Variants in RCOR1 observed in about 807,000 individuals in gnomAD.
RCOR1 encodes REST corepressor.
Under a neutral mutation model 64.0 loss-of-function variants are expected in RCOR1, and 12 were observed. That is an observed-to-expected ratio of 0.19 (90% CI 0.12 to 0.30). The LOEUF (loss-of-function observed/expected upper bound fraction) is 0.30, where lower values mean the gene tolerates loss of function less well. Ranked by LOEUF, RCOR1 falls within the 10% of genes least tolerant of loss-of-function variation. The probability of loss-of-function intolerance (pLI) is 1.00; values close to 1 mark genes in which losing one functional copy is unlikely to be tolerated. For synonymous variants in RCOR1, 279 were observed against 227.2 expected, an observed-to-expected ratio of 1.23 and a Z score of -2.05; for missense variants, 502 against 621.2, an observed-to-expected ratio of 0.81 and a Z score of 2.04.
At position 102,721,388 on chromosome 14, in the gene RCOR1, G is replaced by A. The variant is rs1896165367; in HGVS notation, c.1189+11G>A. The A allele has an allele frequency of 6.2e-6, 10 of 1,610,686 alleles. No homozygotes were observed. The East Asian group carries it at 1.8e-4, about 29-fold the overall frequency. On this transcript the variant is annotated intron_variant, in intron 10 of 11. Coordinates refer to ENST00000262241, the MANE Select transcript of RCOR1 (RefSeq NM_015156.4). ...TTCTCGCCGTACAAGGTAGGGGGAAGTTCTTCTAAAGAGTTTAGGAGGCCG... is the reference window on the plus strand; with the variant it reads ...TTCTCGCCGTACAAGGTAGGGGGAAATTCTTCTAAAGAGTTTAGGAGGCCG...
intron 2 of RCOR1, among the ~76,000 whole-genome samples, chr14:102,625,494 C>CA (rs1368968249): frequency 6.6e-6 from 1 of 151,580 alleles, no homozygotes; most frequent in Non-Finnish European, 1.5e-5. Context: ...TTCGGCCTCC[C>CA]AAAGTGCTGG....
intron 2 of RCOR1, among the ~76,000 whole-genome samples, chr14:102,659,476 CAT>C (rs778703306): frequency 1.4e-4 from 21 of 152,170 alleles, no homozygotes; most frequent in Non-Finnish European, 2.1e-4. Context: ...TTCTGGCACA[CAT>C]GTGTCAAACA....
At position 102,708,521 on chromosome 14, in the gene RCOR1, G is replaced by A. The variant is rs146034322; in HGVS notation, c.717G>A (p.Thr239=). The part of the protein sequence containing the change: ...LVKFYYSWKK[T]RTKTSVMDRH... ...AATTTTACTATTCTTGGAAGAAGAC[G>A]AGGACTAAAACTAGTGTGATGGATC... The change falls in exon 6 of 12, where the codon ACG becomes ACA. Residue 239 remains threonine (T), a synonymous_variant. Transcript: ENST00000262241. The A allele has an allele frequency of 5.6e-5, 91 of 1,612,628 alleles. 1 individual carries two copies. In the African/African-American group the frequency reaches 9.2e-4, roughly 16 times the overall value.
At chr14:102,686,132 G>T (rs2139965043) in intron 3 of RCOR1, among the ~76,000 whole-genome samples, 1 of 151,962 alleles carries the variant, frequency 6.6e-6, no homozygotes, top group South Asian at 2.1e-4. Flanking sequence ...GAGGATCTTG[G>T]CTCTGTTGTC....
At chr14:102,621,367 C>CTTTTTTTTT (rs35481023) in intron 2 of RCOR1, among the ~76,000 whole-genome samples, 7 of 78,514 alleles carry the variant, frequency 8.9e-5, no homozygotes, top group African/African-American at 3.1e-4. Context: ...CAGTCTTTGT[C>CTTTTTTTTT]TTTTTTTTTT....
intron 2 of RCOR1, among the ~76,000 whole-genome samples, chr14:102,603,554 T>C (rs186890526): frequency 6.6e-6 from 1 of 151,920 alleles, no homozygotes; most frequent in East Asian, 1.9e-4. Context: ...GGCCCAGGGG[T>C]GTCTGTAAAT....
chr14:102,710,264 A>G (rs1895931923), intron 6 of RCOR1, among the ~76,000 whole-genome samples: 1 of 152,140 alleles, frequency 6.6e-6, no homozygotes, highest in African/African-American at 2.4e-5. Context: ...CTGTAGACTT[A>G]GTTTTCTTTT....
intron 2 of RCOR1, among the ~76,000 whole-genome samples, chr14:102,636,461 A>G (rs2139916223): frequency 6.6e-6 from 1 of 151,424 alleles, no homozygotes; most frequent in East Asian, 2.0e-4. Flanking sequence ...GTATTTGTTT[A>G]CTAGAGATAG....
chr14:102,709,503 A>G (rs1849098705), intron 6 of RCOR1, among the ~76,000 whole-genome samples: 1 of 152,224 alleles, frequency 6.6e-6, no homozygotes, highest in Non-Finnish European at 1.5e-5. Context: ...TCAGGATGGA[A>G]TTTTATCATT....
intron 2 of RCOR1, among the ~76,000 whole-genome samples, chr14:102,665,330 TA>T (rs199801982): frequency 0.014 from 2,029 of 142,070 alleles, 46 homozygotes; most frequent in African/African-American, 0.051. Flanking sequence ...TTTTTTTTTT[TA>T]AATAAAATAG....
intron 2 of RCOR1, among the ~76,000 whole-genome samples, chr14:102,615,901 C>A (rs1423971741): frequency 6.6e-6 from 1 of 152,220 alleles, no homozygotes; most frequent in Non-Finnish European, 1.5e-5. Flanking sequence ...TTCTCCCCAA[C>A]AGGAGGTAGG....
At chr14:102,705,334 T>C (rs1895829396) in intron 4 of RCOR1, among the ~76,000 whole-genome samples, 1 of 152,222 alleles carries the variant, frequency 6.6e-6, no homozygotes, top group African/African-American at 2.4e-5. Flanking sequence ...TGCTTGGCCC[T>C]GCCATGTGGA....
intron 2 of RCOR1, among the ~76,000 whole-genome samples, chr14:102,670,788 TTTGAGATGGAGTC>T (rs904943870): frequency 8.6e-5 from 13 of 151,580 alleles, no homozygotes; most frequent in Middle Eastern, 3.4e-3. Context: ...ATTGATTGAT[TTTGAGATGGAGTC>T]TTGCTCTTGT....
At chr14:102,642,830 C>T (rs1297910753) in intron 2 of RCOR1, among the ~76,000 whole-genome samples, 2 of 152,018 alleles carry the variant, frequency 1.3e-5, no homozygotes, top group South Asian at 2.1e-4. Context: ...GAGTGAGACC[C>T]TGTCTATTAA....
chr14:102,641,035 C>T (rs1894358107), intron 2 of RCOR1, among the ~76,000 whole-genome samples: 1 of 152,048 alleles, frequency 6.6e-6, no homozygotes, highest in Admixed American at 6.6e-5. Flanking sequence ...AGGTGGATCA[C>T]GAGGTCAGGA....
intron 2 of RCOR1, among the ~76,000 whole-genome samples, chr14:102,669,685 C>T (rs1435870388): frequency 1.3e-5 from 2 of 152,126 alleles, no homozygotes; most frequent in Non-Finnish European, 2.9e-5. Flanking sequence ...AATGGATAGT[C>T]GTAAGATTGA....
chr14:102,610,347 T>G (rs772534249), intron 2 of RCOR1, among the ~76,000 whole-genome samples: 1 of 152,114 alleles, frequency 6.6e-6, no homozygotes, highest in East Asian at 1.9e-4. Context: ...ATATAACTAT[T>G]GAAATTTAAA....
intron 2 of RCOR1, among the ~76,000 whole-genome samples, chr14:102,617,569 C>T (rs1370794291): frequency 1.3e-5 from 2 of 149,178 alleles, no homozygotes; most frequent in Admixed American, 6.8e-5. Context: ...GCCGGGGCAA[C>T]GAAGACACTG....
chr14:102,623,553 C>T lies in RCOR1; in HGVS notation c.361+30228C>T, dbSNP rs1448415359. On this transcript the variant is annotated intron_variant, in intron 2 of 11. Coordinates refer to ENST00000262241, the MANE Select transcript of RCOR1 (RefSeq NM_015156.4). ...CCTCCCGAGTAGCTGGGATTATAGGCGCCCACCACCACGCCTGGCTAATTT... is the reference window on the plus strand; with the variant it reads ...CCTCCCGAGTAGCTGGGATTATAGGTGCCCACCACCACGCCTGGCTAATTT... Among the ~76,000 whole-genome samples, 14 of 151,662 alleles carry T rather than the reference C, an allele frequency of 9.2e-5. 1 individual carries two copies. The South Asian group carries it at 2.7e-3, about 29-fold the overall frequency.
Sources: allele counts gnomAD v4.1 joint callset (sites outside exome capture counted in the v4.1 genomes callset), GRCh38; gene constraint gnomAD v4.1.1; transcripts MANE v1.5; gene names NCBI Gene and HGNC (gene_info 2026-07-23, HGNC 2026-07-21).